KLHL29: variants seen among roughly 807,000 people sequenced by gnomAD.
KLHL29 encodes kelch-like protein 29.
Under a neutral mutation model 80.4 loss-of-function variants are expected in KLHL29, and 21 were observed. The observed-to-expected ratio is 0.26, with a 90% confidence interval of 0.19 to 0.38. KLHL29 has a LOEUF of 0.38. Ranked by LOEUF, KLHL29 falls within the 10% of genes least tolerant of loss-of-function variation. The pLI, the probability that KLHL29 is intolerant of heterozygous loss-of-function variation, is 1.00. For missense variants in KLHL29, 867 were observed against 1,223.9 expected, an observed-to-expected ratio of 0.71 and a Z score of 4.35; for synonymous variants, 511 against 526.8, an observed-to-expected ratio of 0.97 and a Z score of 0.41.
chr2:23,465,850 A>G (rs754171635), intron 1 of KLHL29, among the ~76,000 whole-genome samples: 1 of 152,070 alleles, frequency 6.6e-6, no homozygotes, highest in Non-Finnish European at 1.5e-5. Flanking sequence ...GGCCATCTTC[A>G]GTCCCACTAG....
At chr2:23,671,146 A>C (rs1052243500) in intron 5 of KLHL29, among the ~76,000 whole-genome samples, 1 of 151,598 alleles carries the variant, frequency 6.6e-6, no homozygotes, top group East Asian at 1.9e-4. Flanking sequence ...CTAGGTAACT[A>C]AACTGATTGT....
intron 1 of KLHL29, among the ~76,000 whole-genome samples, chr2:23,422,540 G>C (rs1662848306): frequency 6.6e-6 from 1 of 151,008 alleles, no homozygotes; most frequent in Admixed American, 6.6e-5. Flanking sequence ...CCATGTGTCT[G>C]TGTCTCTCTG....
chr2:23,571,684 C>T (rs928207891), intron 3 of KLHL29, among the ~76,000 whole-genome samples: 8 of 152,182 alleles, frequency 5.3e-5, no homozygotes, highest in East Asian at 1.9e-4. Context: ...CAGACATTGT[C>T]GTGACTGGAT....
intron 11 of KLHL29, among the ~76,000 whole-genome samples, chr2:23,698,529 CTATTA>C (rs1558448451): frequency 6.6e-6 from 1 of 151,488 alleles, no homozygotes; most frequent in Non-Finnish European, 1.5e-5. Context: ...GTACAAATGG[CTATTA>C]TATTGATAAT....
chr2:23,530,179 C>T (rs1027637390), intron 2 of KLHL29, among the ~76,000 whole-genome samples: 3 of 152,198 alleles, frequency 2.0e-5, no homozygotes, highest in Admixed American at 6.5e-5. Flanking sequence ...GGCGTAGAGC[C>T]CTCTGGGTGC....
At chr2:23,514,040 A>G (rs1487276796) in intron 2 of KLHL29, among the ~76,000 whole-genome samples, 2 of 152,220 alleles carry the variant, frequency 1.3e-5, no homozygotes, top group East Asian at 3.9e-4. Flanking sequence ...ATTGTTTACA[A>G]TAAGTGGTAT....
chr2:23,623,546 A>G (rs918422616), intron 3 of KLHL29, among the ~76,000 whole-genome samples: 2 of 152,202 alleles, frequency 1.3e-5, no homozygotes, highest in African/African-American at 4.8e-5. Context: ...CAAAGTGGCC[A>G]TGGGGGACTC....
intron 1 of KLHL29, among the ~76,000 whole-genome samples, chr2:23,388,618 A>G (rs1029284634): frequency 3.3e-5 from 5 of 152,230 alleles, no homozygotes; most frequent in Non-Finnish European, 5.9e-5. Context: ...TTTGGCATCA[A>G]TTTTAGTTGT....
intron 3 of KLHL29, among the ~76,000 whole-genome samples, chr2:23,597,567 G>C (rs112658758): frequency 6.6e-6 from 1 of 151,324 alleles, no homozygotes; most frequent in Admixed American, 6.6e-5. Flanking sequence ...GGGATTATAG[G>C]CATTGTGCCA....
At chr2:23,665,356 C>G (rs1208238805) in intron 5 of KLHL29, among the ~76,000 whole-genome samples, 1 of 152,182 alleles carries the variant, frequency 6.6e-6, no homozygotes, top group Non-Finnish European at 1.5e-5. Context: ...TTTGGTGAGA[C>G]AGAATCATAC....
intron 11 of KLHL29, among the ~76,000 whole-genome samples, chr2:23,701,559 A>G (rs2149222974): frequency 1.3e-5 from 2 of 152,228 alleles, no homozygotes; most frequent in South Asian, 2.1e-4. Flanking sequence ...CGACAAATCA[A>G]AAAATTAGCC....
chr2:23,488,144 A>G (rs960594088), intron 2 of KLHL29, among the ~76,000 whole-genome samples: 7 of 152,174 alleles, frequency 4.6e-5, no homozygotes, highest in Admixed American at 4.6e-4. Context: ...GCCCCGTCTT[A>G]TTTGTCAGGT....
At chr2:23,559,699 TG>T in intron 2 of KLHL29, among the ~76,000 whole-genome samples, 1 of 151,552 alleles carries the variant, frequency 6.6e-6, no homozygotes, top group African/African-American at 2.4e-5. Context: ...GTGGAACAGC[TG>T]GGGGAAGGTG....
intron 5 of KLHL29, chr2:23,672,488 A>G (rs150707546): frequency 1.3e-5 from 2 of 152,536 alleles, no homozygotes; most frequent in East Asian, 3.9e-4. Flanking sequence ...CTGGTTCTCC[A>G]CTGGAGACAG....
At chr2:23,630,304 A>T (rs1229454550) in intron 3 of KLHL29, among the ~76,000 whole-genome samples, 1 of 152,156 alleles carries the variant, frequency 6.6e-6, no homozygotes, top group Non-Finnish European at 1.5e-5. Context: ...TCCTGATAGG[A>T]TGGCATGAGC....
At chr2:23,652,860 C>G (rs1342759072) in intron 5 of KLHL29, among the ~76,000 whole-genome samples, 1 of 152,204 alleles carries the variant, frequency 6.6e-6, no homozygotes, top group African/African-American at 2.4e-5. Flanking sequence ...TCCTTTTTAT[C>G]AGGATCGAGA....
At chr2:23,565,524 A>G (rs1212861406) in intron 3 of KLHL29, among the ~76,000 whole-genome samples, 1 of 152,148 alleles carries the variant, frequency 6.6e-6, no homozygotes, top group East Asian at 1.9e-4. Context: ...GCTGGGGGGA[A>G]GAGGCCGTCT....
chr2:23,411,075 A>G (rs1275608951), intron 1 of KLHL29, among the ~76,000 whole-genome samples: 1 of 152,206 alleles, frequency 6.6e-6, no homozygotes, highest in Non-Finnish European at 1.5e-5. Context: ...ATGTTTATTA[A>G]GCACCTGCTC....
At chr2:23,481,278 TC>T (rs1403060622) in intron 2 of KLHL29, among the ~76,000 whole-genome samples, 2 of 152,232 alleles carry the variant, frequency 1.3e-5, no homozygotes, top group African/African-American at 4.8e-5. Flanking sequence ...TATGGCATTT[TC>T]TAAATACGGT....
Sources: allele counts gnomAD v4.1 joint callset (sites outside exome capture counted in the v4.1 genomes callset), GRCh38; gene constraint gnomAD v4.1.1; transcripts MANE v1.5; gene names NCBI Gene and HGNC (gene_info 2026-07-23, HGNC 2026-07-21).